DLG2: variants seen among roughly 807,000 people sequenced by gnomAD.
DLG2 encodes the protein disks large homolog 2.
Under a neutral mutation model 132.5 loss-of-function variants are expected in DLG2, and 45 were observed. The observed-to-expected ratio is 0.34, with a 90% CI of 0.27 to 0.44. DLG2 has a LOEUF of 0.44. Ranked by LOEUF, DLG2 falls within the 20% of genes least tolerant of loss-of-function variation. The pLI, the probability that DLG2 is intolerant of heterozygous loss-of-function variation, is 1.00. For synonymous variants in DLG2, 424 were observed against 419.6 expected (o/e 1.01, Z -0.13); for missense variants, 1,045 against 1,196.9 (o/e 0.87, Z 1.87).
chr11:84,912,060 C>G (rs2092109058), intron 6 of DLG2, among the ~76,000 whole-genome samples: 1 of 152,196 alleles, frequency 6.6e-6, no homozygotes. Flanking sequence ...AGGAAATGTT[C>G]AGCTACATAA....
At chr11:84,833,690 G>A (rs747562649) in intron 6 of DLG2, among the ~76,000 whole-genome samples, 4 of 151,570 alleles carry the variant, frequency 2.6e-5, no homozygotes, top group Non-Finnish European at 5.9e-5. Flanking sequence ...ACCTTAGTGG[G>A]TTGTTATGAA....
chr11:84,773,940 T>A (rs1251926629), intron 6 of DLG2, among the ~76,000 whole-genome samples: 1 of 151,958 alleles, frequency 6.6e-6, no homozygotes, highest in Non-Finnish European at 1.5e-5. Context: ...GTAGCCAGAG[T>A]AATCAGACAA....
chr11:84,905,922 T>C lies in DLG2; in HGVS notation c.357+205739A>G, dbSNP rs369978565. 3.9e-5 allele frequency among the ~76,000 whole-genome samples: 6 copies of C among 152,324 alleles called. No homozygotes were observed. The East Asian group carries it at 7.7e-4, about 20-fold the overall frequency. On this transcript the variant is annotated intron_variant, in intron 6 of 27. Coordinates refer to ENST00000376104, the MANE Select transcript of DLG2 (RefSeq NM_001142699.3). ...TTAACATGTTCCTAAAATTGGTTTT[T>C]AGTACCACTTCCAGATTGTCTAAAG...
At chr11:83,886,896 C>A (rs1368553916) in intron 15 of DLG2, among the ~76,000 whole-genome samples, 1 of 149,944 alleles carries the variant, frequency 6.7e-6, no homozygotes, top group Non-Finnish European at 1.5e-5. Flanking sequence ...TTCTTTGAAA[C>A]CAACGACAAC....
intron 7 of DLG2, among the ~76,000 whole-genome samples, chr11:84,425,726 A>C (rs984466032): frequency 6.6e-6 from 1 of 152,158 alleles, no homozygotes. Context: ...TAACAATGAA[A>C]AGGATTACTT....
intron 6 of DLG2, among the ~76,000 whole-genome samples, chr11:84,583,710 C>A (rs1459783129): frequency 6.6e-6 from 1 of 152,062 alleles, no homozygotes; most frequent in Non-Finnish European, 1.5e-5. Context: ...TTTTAGCACT[C>A]CTTTTTTCAT....
intron 6 of DLG2, among the ~76,000 whole-genome samples, chr11:84,548,182 C>T (rs1221312253): frequency 2.0e-5 from 3 of 152,148 alleles, no homozygotes; most frequent in Non-Finnish European, 2.9e-5. Context: ...CAGAGAAGAA[C>T]TGAGTTCCCT....
intron 18 of DLG2, among the ~76,000 whole-genome samples, chr11:83,713,373 A>G (rs966715664): frequency 1.7e-4 from 26 of 152,232 alleles, no homozygotes; most frequent in African/African-American, 6.3e-4. Context: ...GGTTTGCATA[A>G]AAGACGGATT....
chr11:84,807,303 A>G (rs2076103862), intron 6 of DLG2, among the ~76,000 whole-genome samples: 1 of 151,982 alleles, frequency 6.6e-6, no homozygotes, highest in Non-Finnish European at 1.5e-5. Flanking sequence ...AAAATTAGTC[A>G]GGCATGGTGG....
intron 6 of DLG2, among the ~76,000 whole-genome samples, chr11:84,791,814 T>C (rs1192488081): frequency 6.6e-6 from 1 of 152,224 alleles, no homozygotes; most frequent in Non-Finnish European, 1.5e-5. Flanking sequence ...AATTTATCAG[T>C]TCCGATAGCT....
intron 6 of DLG2, among the ~76,000 whole-genome samples, chr11:84,907,480 C>G (rs1344290482): frequency 6.6e-6 from 1 of 152,102 alleles, no homozygotes; most frequent in Non-Finnish European, 1.5e-5. Context: ...CTAACATGTG[C>G]CTGATGCTAA....
At chr11:84,737,479 CAA>C (rs1427941118) in intron 6 of DLG2, among the ~76,000 whole-genome samples, 1 of 143,936 alleles carries the variant, frequency 6.9e-6, no homozygotes, top group Non-Finnish European at 1.5e-5. Context: ...CTATCTAGGT[CAA>C]GAGAGAGAGA....
intron 3 of DLG2, among the ~76,000 whole-genome samples, chr11:85,501,614 GAACA>G (rs1279743179): frequency 2.6e-5 from 4 of 152,156 alleles, no homozygotes; most frequent in Non-Finnish European, 5.9e-5. Context: ...CAAAGGATAT[GAACA>G]AACACTTCTC....
chr11:85,155,721 T>C (rs545282034), intron 4 of DLG2, among the ~76,000 whole-genome samples: 4 of 151,936 alleles, frequency 2.6e-5, no homozygotes, highest in Non-Finnish European at 4.4e-5. Flanking sequence ...AATATAAAAA[T>C]TAGCCAGGTG....
chr11:83,766,690 A>T (rs146244490), intron 18 of DLG2, among the ~76,000 whole-genome samples: 1 of 152,162 alleles, frequency 6.6e-6, no homozygotes, highest in African/African-American at 2.4e-5. Flanking sequence ...TTAGAATCTT[A>T]ATTTCTTACA....
chr11:84,866,183 G>C (rs913890484), intron 6 of DLG2, among the ~76,000 whole-genome samples: 2 of 141,364 alleles, frequency 1.4e-5, no homozygotes, highest in African/African-American at 5.2e-5. Context: ...TTCTGTGGGA[G>C]CTCCCACTAG....
At chr11:85,173,265 C>A (rs1324599407) in intron 4 of DLG2, among the ~76,000 whole-genome samples, 1 of 152,188 alleles carries the variant, frequency 6.6e-6, no homozygotes, top group Non-Finnish European at 1.5e-5. Context: ...AGCAGACTAA[C>A]AGCAAACCTC....
At chr11:83,946,829 G>C (rs1228601647) in intron 14 of DLG2, among the ~76,000 whole-genome samples, 2 of 152,136 alleles carry the variant, frequency 1.3e-5, no homozygotes, top group Non-Finnish European at 2.9e-5. Flanking sequence ...CAATGGTTCT[G>C]GGGATAGCCC....
chr11:85,229,875 A>AGG (rs2075198567), intron 4 of DLG2, among the ~76,000 whole-genome samples: 2 of 152,146 alleles, frequency 1.3e-5, no homozygotes, highest in African/African-American at 4.8e-5. Context: ...CATTCTCAGC[A>AGG]AACTACACAG....
Sources: allele counts gnomAD v4.1 joint callset (sites outside exome capture counted in the v4.1 genomes callset), GRCh38; gene constraint gnomAD v4.1.1; transcripts MANE v1.5; gene names NCBI Gene and HGNC (gene_info 2026-07-23, HGNC 2026-07-21).